The following STK32A variants were observed in gnomAD, a reference collection of about 807,000 sequenced individuals.
STK32A encodes the protein serine/threonine kinase 32A.
STK32A carries 41 observed loss-of-function variants against 53.2 expected under a neutral mutation model. That is an observed-to-expected ratio of 0.77 (90% CI 0.60 to 1.00). STK32A has a LOEUF of 1.00. STK32A is among the 50% of genes least tolerant of loss of function. The pLI is 0.00. For synonymous variants in STK32A, 166 were observed against 162.8 expected, an observed-to-expected ratio of 1.02 and a Z score of -0.15; for missense variants, 458 against 485.8, an observed-to-expected ratio of 0.94 and a Z score of 0.54.
intron 7 of STK32A, among the ~76,000 whole-genome samples, chr5:147,354,657 T>C (rs1346102492): frequency 1.3e-5 from 2 of 152,242 alleles, no homozygotes. Context: ...GGGTGGACTA[T>C]ACTTATCACT....
chr5:147,281,783 A>G (rs1946605), intron 4 of STK32A, among the ~76,000 whole-genome samples: 82,765 of 151,898 alleles, frequency 0.54, 23,056 homozygotes, highest in African/African-American at 0.65. Flanking sequence ...TCGCAAAAAG[A>G]TATTTGCTTA....
At chr5:147,378,616 C>A (rs964615296) in intron 11 of STK32A, among the ~76,000 whole-genome samples, 5 of 152,052 alleles carry the variant, frequency 3.3e-5, no homozygotes, top group Non-Finnish European at 7.4e-5. Context: ...AAATTCATCA[C>A]TGTTTAGGTA....
chr5:147,373,210 T>C lies in STK32A; in HGVS notation c.819T>C (p.Ser273=). 1.2e-6 allele frequency: 2 copies of C among 1,613,508 alleles called. No homozygotes were observed. Among genetic ancestry groups the C allele is most frequent in the Non-Finnish European group, 1.7e-6 (2 of 1,179,588 alleles). Residue 273 remains serine, a synonymous_variant, in exon 10 of 13, where the codon TCT becomes TCC. Coordinates refer to ENST00000397936, the MANE Select transcript of STK32A (RefSeq NM_001112724.2). ...CAGACCAACGATTTTCTCAGTTATC[T>C]GATGTCCAGAACTTCCCGTATATGA... The part of the protein sequence containing the change: ...PNPDQRFSQL[S]DVQNFPYMND...
chr5:147,383,233 C>T, intron 11 of STK32A: 1 of 587,794 alleles, frequency 1.7e-6, no homozygotes, highest in Non-Finnish European at 3.0e-6. Flanking sequence ...AGTGCAATCG[C>T]TGTCTAGGAG....
At chr5:147,343,177 T>C in intron 6 of STK32A, 134 bp downstream of exon 6, 1 of 934,034 alleles carries the variant, frequency 1.1e-6, no homozygotes, top group Non-Finnish European at 1.7e-6. Flanking sequence ...AAACTCCTCA[T>C]AGACAATATG....
chr5:147,355,223 G>A (rs1464788462), intron 7 of STK32A, among the ~76,000 whole-genome samples: 2 of 152,168 alleles, frequency 1.3e-5, no homozygotes, highest in Non-Finnish European at 2.9e-5. Flanking sequence ...TAATAAGACA[G>A]TATGCCAGTT....
chr5:147,256,197 C>T (rs944459101), intron 2 of STK32A, among the ~76,000 whole-genome samples: 4 of 152,182 alleles, frequency 2.6e-5, no homozygotes, highest in Admixed American at 1.3e-4. Context: ...CTCCAAGGAA[C>T]ACTAAGTTTC....
rs62377728 is a variant in STK32A, at chr5:147,311,732, A to T, written c.261-12166A>T. Among the ~76,000 whole-genome samples the T allele has an allele frequency of 7.4e-3, 1,132 of 152,276 alleles. 4 individuals are homozygous for T. The highest frequency in any genetic ancestry group is 0.012 in the Non-Finnish European group (842 of 68,016). ...CAGGTGCATGCCACTATACTGGCTAATTTAAAAACAGAAGCCAACAAACAA... is the reference window on the plus strand; with the variant it reads ...CAGGTGCATGCCACTATACTGGCTATTTTAAAAACAGAAGCCAACAAACAA... On this transcript the variant is annotated intron_variant, in intron 4 of 12. Coordinates refer to ENST00000397936, the MANE Select transcript of STK32A (RefSeq NM_001112724.2).
At chr5:147,373,789 A>G (rs2152004719) in intron 10 of STK32A, among the ~76,000 whole-genome samples, 1 of 152,270 alleles carries the variant, frequency 6.6e-6, no homozygotes, top group African/African-American at 2.4e-5. Flanking sequence ...ATAACCAAAG[A>G]CATATAATTC....
chr5:147,240,342 T>G (rs1753517023), intron 2 of STK32A, among the ~76,000 whole-genome samples: 3 of 152,246 alleles, frequency 2.0e-5, no homozygotes, highest in Non-Finnish European at 4.4e-5. Flanking sequence ...AGGTGGCAGC[T>G]GTTTATAGGT....
At position 147,383,482 on chromosome 5, in the gene STK32A, G is replaced by T. The variant is rs1294309101; in HGVS notation, c.1074G>T (p.Glu358Asp). ...AGCACCTTGACTCTGTCCAGAAGGA[G>T]TTCATAATTTTCAACAGAGAAAAGT... ...LQEHLDSVQK[E>D]FIIFNREKVN... is the part of the protein sequence containing the mutation. The change falls in exon 12 of 13, where the codon GAG (glutamate) becomes GAT (aspartate). Residue 358 changes from glutamate to aspartate, a missense_variant. By Grantham distance (45) the Glu-to-Asp change is conservative (BLOSUM62 2). Transcript: ENST00000397936. 1 of 1,595,518 alleles carries T rather than the reference G, an allele frequency of 6.3e-7. No homozygotes were observed. Among genetic ancestry groups the T allele is most frequent in the South Asian group, 1.1e-5 (1 of 87,434 alleles).
chr5:147,398,933 T>C, the STK32A span: 1 of 1,116,720 alleles, frequency 9.0e-7, no homozygotes, highest in South Asian at 1.6e-5. Flanking sequence ...ACAGTTGAGG[T>C]TTTGAGCCAC....
At chr5:147,271,086 C>A (rs1755012395) in intron 2 of STK32A, among the ~76,000 whole-genome samples, 1 of 151,984 alleles carries the variant, frequency 6.6e-6, no homozygotes, top group Admixed American at 6.6e-5. Flanking sequence ...ATGTCCGCCT[C>A]CTGGGTTCAA....
At chr5:147,290,102 C>T (rs1397501186) in intron 4 of STK32A, among the ~76,000 whole-genome samples, 1 of 151,976 alleles carries the variant, frequency 6.6e-6, no homozygotes, top group Non-Finnish European at 1.5e-5. Context: ...TAGTAGAAAC[C>T]CATGCTATGG....
chr5:147,317,926 A>G (rs2151975311), intron 4 of STK32A, among the ~76,000 whole-genome samples: 1 of 152,350 alleles, frequency 6.6e-6, no homozygotes, highest in South Asian at 2.1e-4. Context: ...GGCAATATGT[A>G]TTAGATATAT....
chr5:147,318,954 C>T (rs1754156351), intron 4 of STK32A, among the ~76,000 whole-genome samples: 1 of 152,112 alleles, frequency 6.6e-6, no homozygotes, highest in Non-Finnish European at 1.5e-5. Context: ...CATACTGATA[C>T]TTTAACGACT....
chr5:147,377,176 A>G (rs1470131624), intron 11 of STK32A, among the ~76,000 whole-genome samples: 4 of 151,988 alleles, frequency 2.6e-5, no homozygotes, highest in Non-Finnish European at 4.4e-5. Context: ...CTGATATCTC[A>G]TGTGATTTCT....
chr5:147,261,107 C>A (rs1300326080), intron 2 of STK32A, among the ~76,000 whole-genome samples: 1 of 152,078 alleles, frequency 6.6e-6, no homozygotes, highest in Non-Finnish European at 1.5e-5. Flanking sequence ...ACCCCTGAGG[C>A]TGCCACAAGG....
chr5:147,289,743 A>T (rs188698571), intron 4 of STK32A, among the ~76,000 whole-genome samples: 1 of 152,188 alleles, frequency 6.6e-6, no homozygotes, highest in Admixed American at 6.6e-5. Flanking sequence ...AAAAATGAAA[A>T]TTCTTCAATA....
Sources: allele counts gnomAD v4.1 joint callset (sites outside exome capture counted in the v4.1 genomes callset), GRCh38; gene constraint gnomAD v4.1.1; transcripts MANE v1.5; gene names NCBI Gene and HGNC (gene_info 2026-07-23, HGNC 2026-07-21).